The following RIF1 variants were observed in gnomAD, a reference collection of about 807,000 sequenced individuals.
RIF1 encodes the protein telomere-associated protein RIF1.
Under a neutral mutation model 247.1 loss-of-function variants are expected in RIF1, and 45 were observed. The ratio of observed to expected loss-of-function variants is 0.18; its 90% CI spans 0.14 to 0.23. The LOEUF (loss-of-function observed/expected upper bound fraction) is 0.23. Ranked by LOEUF, RIF1 falls within the 10% of genes least tolerant of loss-of-function variation. The probability of loss-of-function intolerance (pLI) is 1.00; values close to 1 mark genes in which losing one functional copy is unlikely to be tolerated. For missense variants in RIF1, 2,967 were observed against 2,862.5 expected (o/e 1.04, Z -0.83); for synonymous variants, 1,087 against 978.8 (o/e 1.11, Z -2.06).
At chr2:151,529,280 G>A in the RIF1 span, 1 of 1,613,406 alleles carries the variant, frequency 6.2e-7, no homozygotes, top group Non-Finnish European at 8.5e-7. Context: ...GGTGCAGTTG[G>A]ATTTATTTCT....
rs1458048713 is a variant in RIF1 at position 151,499,299 on chromosome 2, G to A, written c.*514-46G>A. The A allele has an allele frequency of 1.2e-5, 18 of 1,463,810 alleles. No homozygotes were observed. The highest frequency in any genetic ancestry group is 4.3e-5 in the African/African-American group (3 of 70,264). The allele number at this position is 1,463,810 out of a possible 1,614,324, so 90.7% of individuals were successfully genotyped here. On this transcript the variant is annotated intron_variant and NMD_transcript_variant, in intron 10 of 13. Coordinates refer to the RIF1 transcript ENST00000454583. ...AAGGGATTTTTTATTTTTAAATACCGAACTAAAGTTTTCTTGATTGTGTTT... is the reference window on the plus strand; with the variant it reads ...AAGGGATTTTTTATTTTTAAATACCAAACTAAAGTTTTCTTGATTGTGTTT...
the RIF1 span, chr2:151,525,859 A>C: frequency 5.5e-5 from 48 of 875,628 alleles, no homozygotes; most frequent in Non-Finnish European, 8.5e-5. Context: ...GTAAGAGTGA[A>C]GCTACATAAA....
At chr2:151,431,367 G>C (rs918159682) in intron 9 of RIF1, among the ~76,000 whole-genome samples, 1 of 152,186 alleles carries the variant, frequency 6.6e-6, no homozygotes, top group African/African-American at 2.4e-5. Context: ...TGGCCGACTA[G>C]AAAAAGTAGT....
At chr2:151,501,529 T>G in intron 11 of RIF1, 1 of 1,153,318 alleles carries the variant, frequency 8.7e-7, no homozygotes, top group Non-Finnish European at 1.2e-6. Flanking sequence ...ACCCATCATT[T>G]TTTAGGTAGA....
intron 6 of RIF1, among the ~76,000 whole-genome samples, chr2:151,419,209 A>G (rs1301178136): frequency 6.6e-6 from 1 of 152,152 alleles, no homozygotes; most frequent in African/African-American, 2.4e-5. Flanking sequence ...CTTTTTTTAA[A>G]TACAAGTAGG....
At chr2:151,533,460 A>G in the RIF1 span, 1 of 1,550,888 alleles carries the variant, frequency 6.4e-7, no homozygotes, top group African/African-American at 1.4e-5. Context: ...ACATATGCGA[A>G]TTGTAGAGAG....
chr2:151,443,387 T>C, intron 17 of RIF1, 58 bp downstream of exon 17: 1 of 1,327,378 alleles, frequency 7.5e-7, no homozygotes. Context: ...ATGAATGAGA[T>C]TATTTATGTA....
chr2:151,502,561 A>G lies in RIF1; in HGVS notation c.*710-473A>G, dbSNP rs567255080. Among the ~76,000 whole-genome samples, 7 of 152,276 alleles carry G rather than the reference A, an allele frequency of 4.6e-5. No homozygotes were observed. The East Asian group carries it at 1.3e-3, about 29-fold the overall frequency. On this transcript the variant is annotated intron_variant and NMD_transcript_variant, in intron 11 of 13. Transcript: ENST00000454583. ...TTATTAAAGGAGGAATGGAGGAAGA[A>G]AACAGAGTATTACAGGTTTTTAAAG...
the RIF1 span, among the ~76,000 whole-genome samples, chr2:151,520,434 ATAAGTT>A: frequency 1.3e-5 from 2 of 152,178 alleles, no homozygotes; most frequent in African/African-American, 4.8e-5. Context: ...ATACATAAAA[ATAAGTT>A]TAGGTAGGCA....
chr2:151,469,968 ATTCAT>A, intron 34 of RIF1, 104 bp downstream of exon 34: 2 of 786,642 alleles, frequency 2.5e-6, no homozygotes, highest in South Asian at 5.0e-5. Context: ...AGGGAAATTG[ATTCAT>A]TTATTTTGTA....
At chr2:151,435,187 C>A (rs1690930386) in intron 10 of RIF1, among the ~76,000 whole-genome samples, 1 of 152,044 alleles carries the variant, frequency 6.6e-6, no homozygotes, top group Non-Finnish European at 1.5e-5. Context: ...TTCATGTTTT[C>A]CAGAGTTTTA....
At chr2:151,452,090 T>C (rs1342445746) in intron 21 of RIF1, among the ~76,000 whole-genome samples, 2 of 152,218 alleles carry the variant, frequency 1.3e-5, no homozygotes, top group African/African-American at 4.8e-5. Context: ...TGATTTAAAA[T>C]AGTCATTGAA....
At chr2:151,445,705 G>A (rs998889362) in intron 19 of RIF1, among the ~76,000 whole-genome samples, 4 of 151,912 alleles carry the variant, frequency 2.6e-5, no homozygotes, top group South Asian at 2.1e-4. Flanking sequence ...ATGCCACTGC[G>A]CCCAGCTAAT....
chr2:151,490,805 C>T (rs908870764), intron 9 of RIF1, among the ~76,000 whole-genome samples: 1 of 152,206 alleles, frequency 6.6e-6, no homozygotes, highest in Non-Finnish European at 1.5e-5. Context: ...GCCAATTTTC[C>T]TGGCTCACCA....
intron 16 of RIF1, 57 bp downstream of exon 16, chr2:151,442,048 TTTTTATTTTATTTTA>T (rs58326774): frequency 1.3e-5 from 3 of 237,718 alleles, no homozygotes; most frequent in Non-Finnish European, 2.6e-5. Context: ...ATACTTCCCT[TTTTTATTTTATTTTA>T]TTTTATTTTA....
At chr2:151,534,091 T>C in the RIF1 span, 2 of 730,020 alleles carry the variant, frequency 2.7e-6, no homozygotes, top group South Asian at 3.7e-5. Flanking sequence ...ACAGATACTT[T>C]GAAACAGAAC....
chr2:151,516,580 A>G, the RIF1 span: 1 of 1,498,206 alleles, frequency 6.7e-7, no homozygotes, highest in Non-Finnish European at 9.3e-7. Flanking sequence ...ATAGAAAGCC[A>G]TGTTAGATAT....
chr2:151,413,193 C>CT (rs905279585), intron 3 of RIF1, among the ~76,000 whole-genome samples: 45 of 147,306 alleles, frequency 3.1e-4, no homozygotes, highest in East Asian at 2.6e-3. Flanking sequence ...CGCCCAGCTA[C>CT]TTTTTTTTTT....
chr2:151,511,915 T>C (rs1054944506), downstream of RIF1, among the ~76,000 whole-genome samples: 2 of 152,128 alleles, frequency 1.3e-5, no homozygotes, highest in African/African-American at 4.8e-5. Flanking sequence ...ATTTTACATG[T>C]TAAAATATTG....
Sources: gnomAD v4.1 joint callset for allele counts (sites outside exome capture counted in the v4.1 genomes callset) on GRCh38, gnomAD v4.1.1 for gene constraint, MANE v1.5 for transcripts, NCBI Gene and HGNC (gene_info 2026-07-23, HGNC 2026-07-21) for gene names.